TAPT1: variants seen among roughly 807,000 people sequenced by gnomAD.
TAPT1 encodes transmembrane anterior posterior transformation protein 1 homolog.
Under a neutral mutation model 65.6 loss-of-function variants are expected in TAPT1, and 28 were observed. The observed-to-expected ratio is 0.43, with a 90% CI of 0.32 to 0.59. TAPT1 has a LOEUF of 0.59. TAPT1 is among the 20% of genes least tolerant of loss of function. The pLI is 0.09. For synonymous variants in TAPT1, 278 were observed against 245.2 expected, an observed-to-expected ratio of 1.13 and a Z score of -1.25; for missense variants, 563 against 679.9, an observed-to-expected ratio of 0.83 and a Z score of 1.91.
At chr4:16,201,345 C>T (rs1044051441) in intron 3 of TAPT1, among the ~76,000 whole-genome samples, 4 of 152,212 alleles carry the variant, frequency 2.6e-5, no homozygotes, top group African/African-American at 9.6e-5. Flanking sequence ...TTTAACTCAA[C>T]TGCTATGGTT....
At chr4:16,181,933 T>C (rs1748735508) in intron 7 of TAPT1, among the ~76,000 whole-genome samples, 1 of 152,184 alleles carries the variant, frequency 6.6e-6, no homozygotes, top group African/African-American at 2.4e-5. Flanking sequence ...ATGGATAAAT[T>C]TGGTAAATGA....
intron 3 of TAPT1, 40 bp downstream of exon 3, chr4:16,202,422 A>G (rs1750089497): frequency 1.7e-6 from 2 of 1,193,384 alleles, no homozygotes; most frequent in Non-Finnish European, 2.4e-6. Context: ...AAAATAATGA[A>G]ATACTATACA....
chr4:16,200,331 T>C (rs960052128), intron 3 of TAPT1, among the ~76,000 whole-genome samples: 3 of 152,174 alleles, frequency 2.0e-5, no homozygotes, highest in African/African-American at 7.2e-5. Context: ...AGTTATTTTC[T>C]TTCTTTACTT....
In TAPT1 at chr4:16,172,400, GTATGT is replaced by G. The variant is rs368562755; in HGVS notation, c.1237-1676_1237-1672del. Among the ~76,000 whole-genome samples the G allele has an allele frequency of 7.8e-4, 117 of 150,474 alleles. 1 individual carries two copies. The East Asian group carries it at 0.021, about 28-fold the overall frequency. On this transcript the variant is annotated intron_variant, in intron 11 of 13. Coordinates refer to ENST00000405303, the MANE Select transcript of TAPT1 (RefSeq NM_153365.3). Reference sequence around the variant, plus strand: ...GCCTTGTAGGTTTATCCTTATATTTGTATGTTTCATATTTCTAGTTGTAGTAAACA... The same window carrying G: ...GCCTTGTAGGTTTATCCTTATATTTGTTCATATTTCTAGTTGTAGTAAACA...
rs766568331 is a variant in TAPT1, at chr4:16,174,718, T to C, written c.1119A>G (p.Glu373=). 3.2e-6 allele frequency: 5 copies of C among 1,586,870 alleles called. No individual in the cohort carries two copies. In the African/African-American group the frequency reaches 5.4e-5, roughly 17 times the overall value. ...GGTCAAAAGCAAGACTGGCTCTATA[T>C]TCACTGTAGACCTAAAAACAAACAA... ...FNDITADVYS[E]YRASLAFDLV... is the part of the protein sequence containing the mutation. The change falls in exon 10 of 14, where the codon GAA becomes GAG. Residue 373 remains glutamate (E), a synonymous_variant. Coordinates refer to ENST00000405303, the MANE Select transcript of TAPT1 (RefSeq NM_153365.3).
chr4:16,179,958 G>C lies in TAPT1; in HGVS notation c.917-301C>G, dbSNP rs16893147. The stretch of plus-strand genomic sequence containing the variant: ...TCAAACTGCTCAGATGAGGTCATTA[G>C]GTTCCTCCAATGGGCTTTGGGGACA... On this transcript the variant is annotated intron_variant, in intron 7 of 13. Coordinates refer to ENST00000405303, the MANE Select transcript of TAPT1 (RefSeq NM_153365.3). 0.17 allele frequency among the ~76,000 whole-genome samples: 25,892 copies of C among 151,862 alleles called. 2,609 individuals carry two copies. The highest frequency in any genetic ancestry group is 0.3 in the East Asian group (1,554 of 5,148).
At chr4:16,204,001 C>T (rs1034873025) in intron 2 of TAPT1, among the ~76,000 whole-genome samples, 4 of 152,036 alleles carry the variant, frequency 2.6e-5, no homozygotes, top group Non-Finnish European at 5.9e-5. Flanking sequence ...GGTAGATTAG[C>T]GTAGAGTCCC....
At chr4:16,189,880 G>T (rs1164107034) in intron 4 of TAPT1, among the ~76,000 whole-genome samples, 1 of 152,180 alleles carries the variant, frequency 6.6e-6, no homozygotes, top group East Asian at 1.9e-4. Context: ...TCCTAAGATG[G>T]AAAGCCTACG....
At chr4:16,170,930 C>T (rs1449960308) in intron 11 of TAPT1, among the ~76,000 whole-genome samples, 1 of 152,150 alleles carries the variant, frequency 6.6e-6, no homozygotes, top group Non-Finnish European at 1.5e-5. Context: ...TTCTGTGGTA[C>T]ATTTGGATTG....
At chr4:16,212,437 A>C (rs192105876) in intron 2 of TAPT1, among the ~76,000 whole-genome samples, 64 of 152,362 alleles carry the variant, frequency 4.2e-4, no homozygotes, top group African/African-American at 1.4e-3. Flanking sequence ...GTCTTTTAAG[A>C]CACAAGAACT....
chr4:16,223,951 G>A (rs751203159), intron 1 of TAPT1, among the ~76,000 whole-genome samples: 9 of 152,050 alleles, frequency 5.9e-5, no homozygotes, highest in Non-Finnish European at 8.8e-5. Context: ...GGGAACTTTG[G>A]AACTGACTGA....
intron 3 of TAPT1, among the ~76,000 whole-genome samples, chr4:16,199,719 G>A (rs550560200): frequency 2.0e-5 from 3 of 152,168 alleles, no homozygotes; most frequent in South Asian, 2.1e-4. Context: ...AGCCTCCCAA[G>A]TAGCTGGGAC....
At chr4:16,226,574 CA>C, upstream of TAPT1, 4 of 715,482 alleles carry the variant, frequency 5.6e-6, no homozygotes, top group South Asian at 6.0e-5. Flanking sequence ...CCGCCGCCGC[CA>C]TCCGCGGCCC....
chr4:16,227,114 T>C (rs544704087), upstream of TAPT1: 2 of 455,580 alleles, frequency 4.4e-6, no homozygotes, highest in Non-Finnish European at 4.4e-6. Context: ...CCCTGGCCTC[T>C]GAGTGTCCTT....
chr4:16,226,990 C>T (rs769376423), upstream of TAPT1: 1 of 450,964 alleles, frequency 2.2e-6, no homozygotes, highest in African/African-American at 2.0e-5. Context: ...ACTGCTGGCG[C>T]GGCCGCGGCG....
At chr4:16,214,254 G>A (rs1032718169) in intron 1 of TAPT1, among the ~76,000 whole-genome samples, 2 of 152,106 alleles carry the variant, frequency 1.3e-5, no homozygotes, top group African/African-American at 4.8e-5. Flanking sequence ...ATAAAATAGA[G>A]CAATATATAG....
In TAPT1 at chr4:16,161,685, G is replaced by T. The variant is rs1245129010; in HGVS notation, c.*1623C>A. The T allele has an allele frequency of 6.6e-6, 1 of 152,098 alleles. No individual in the cohort carries two copies. Among genetic ancestry groups the T allele is most frequent in the Non-Finnish European group, 1.5e-5 (1 of 68,016 alleles). The allele number at this position is 152,098 out of a possible 1,614,324, so 9.4% of individuals were successfully genotyped here. ...TAAAATACTTCCTGGTTTCACAAAGGCATGTCCATACAATTTCCTCAACAT... is the reference window on the plus strand; with the variant it reads ...TAAAATACTTCCTGGTTTCACAAAGTCATGTCCATACAATTTCCTCAACAT... On this transcript the variant is annotated 3_prime_UTR_variant, in exon 14 of 14. Coordinates refer to ENST00000405303, the MANE Select transcript of TAPT1 (RefSeq NM_153365.3).
chr4:16,226,386 G>C lies in TAPT1; in HGVS notation c.72C>G (p.Asp24Glu), dbSNP rs1350671190. ...CCGGCTGCTCCGCCTCGCCGCGGCC[G>C]TCCCGCTGCGGGCCGTCCACGCCGC... ...GGGGVDGPQR[D>E]GRGEAEQPGG... The change falls in exon 1 of 14, where the codon GAC (aspartate) becomes GAG (glutamate). Residue 24 changes from aspartate (D) to glutamate (E), a missense_variant. Coordinates refer to ENST00000405303, the MANE Select transcript of TAPT1 (RefSeq NM_153365.3). The C allele has an allele frequency of 2.3e-5, 25 of 1,100,212 alleles. No homozygotes were observed. In the East Asian group the frequency reaches 9.2e-4, roughly 40 times the overall value. 68.2% of individuals were successfully genotyped at this position (1,100,212 alleles called of 1,614,324 possible). A position where few individuals can be genotyped will look rare whatever the true frequency, so the allele number is the denominator to read the frequency against.
At chr4:16,174,597 A>C in intron 10 of TAPT1, 73 bp downstream of exon 10, 1 of 1,345,636 alleles carries the variant, frequency 7.4e-7, no homozygotes, top group Non-Finnish European at 1.0e-6. Context: ...TTTCATGCTA[A>C]ATTAATCATT....
Sources: allele counts gnomAD v4.1 joint callset (sites outside exome capture counted in the v4.1 genomes callset), GRCh38; gene constraint gnomAD v4.1.1; transcripts MANE v1.5; gene names NCBI Gene and HGNC (gene_info 2026-07-23, HGNC 2026-07-21).